The following MYC variants were observed in gnomAD, a reference collection of about 807,000 sequenced individuals.
MYC encodes MYC proto-oncogene, bHLH transcription factor.
Under a neutral mutation model 30.5 loss-of-function variants are expected in MYC, and 1 was observed. That is an observed-to-expected ratio of 0.03 (90% confidence interval 0.01 to 0.16). The LOEUF is 0.16. Ranked by LOEUF, MYC falls within the 10% of genes least tolerant of loss-of-function variation. The pLI, the probability that MYC is intolerant of heterozygous loss-of-function variation, is 1.00. For synonymous variants in MYC, 267 were observed against 250.7 expected (o/e 1.07, Z -0.62); for missense variants, 508 against 589.0 (o/e 0.86, Z 1.42).
upstream of MYC, chr8:127,735,654 G>T (rs902281220): frequency 7.5e-6 from 3 of 398,680 alleles, no homozygotes; most frequent in African/African-American, 6.2e-5. Flanking sequence ...TTAGCGAGGC[G>T]CCCTGCAGCC....
rs1813637199 is a variant in MYC, at chr8:127,738,154, C to T, written c.31-94C>T. 6 of 1,443,646 alleles carry T rather than the reference C, an allele frequency of 4.2e-6. No individual in the cohort carries two copies. Among genetic ancestry groups the T allele is most frequent in the Non-Finnish European group, 5.6e-6 (6 of 1,077,356 alleles). The allele number at this position is 1,443,646 out of a possible 1,614,324, so 89.4% of individuals were successfully genotyped here. ...GGATAGCTCTGCAAGGGGAGAGGTT[C>T]GGGACTGTGGCGCGCACTGCGCGCT... On this transcript the variant is annotated intron_variant, in intron 1 of 2. Transcript: ENST00000621592. This position sits in a 1 kb window ranked among gnomAD's most constrained non-coding sequence, Gnocchi z 7.6.
At chr8:127,739,361 T>C (rs79306211) in intron 2 of MYC, among the ~76,000 whole-genome samples, 468 of 152,322 alleles carry the variant, frequency 3.1e-3, no homozygotes, top group African/African-American at 0.01. Flanking sequence ...AGGGAGTGTA[T>C]GAATGAGGAT....
At chr8:127,737,346 C>A (rs1762072125) in intron 1 of MYC, among the ~76,000 whole-genome samples, 1 of 152,210 alleles carries the variant, frequency 6.6e-6, no homozygotes, top group Non-Finnish European at 1.5e-5. Context: ...CTTGGAAAAA[C>A]CAGGGCGAAT....
rs4645948 is a variant in MYC at position 127,736,252 on chromosome 8, C to T, written c.-342C>T. The stretch of plus-strand genomic sequence containing the variant: ...ATCTAACTCGCTGTAGTAATTCCAG[C>T]GAGAGGCAGAGGGAGCGAGCGGGCG... On this transcript the variant is annotated 5_prime_UTR_variant, in exon 1 of 3. Coordinates refer to ENST00000621592, the MANE Select transcript of MYC (RefSeq NM_002467.6). The T allele has an allele frequency of 0.032, 16,959 of 531,178 alleles. 639 individuals carry two copies. The highest frequency in any genetic ancestry group is 0.14 in the East Asian group (4,554 of 33,174). 32.9% of individuals were successfully genotyped at this position (531,178 alleles called of 1,614,324 possible). A position where few individuals can be genotyped will look rare whatever the true frequency, so the allele number is the denominator to read the frequency against.
At chr8:127,739,457 A>G (rs1466389198) in intron 2 of MYC, among the ~76,000 whole-genome samples, 3 of 152,078 alleles carry the variant, frequency 2.0e-5, no homozygotes, top group African/African-American at 7.2e-5. Flanking sequence ...TATCTACAAA[A>G]ATGAGGGGCT....
rs958350674 is a variant in MYC, at chr8:127,736,323, C to T, written c.-271C>T. ...CGGGCGAGCAGAGCTGCGCTGCGGG[C>T]GTCCTGGGAAGGGAGATCCGGAGCG... is the stretch of plus-strand genomic sequence containing the variant. On this transcript the variant is annotated 5_prime_UTR_variant, in exon 1 of 3. Transcript: ENST00000621592. 3.4e-6 allele frequency: 2 copies of T among 586,840 alleles called. No individual in the cohort carries two copies. The highest frequency in any genetic ancestry group is 2.8e-5 in the East Asian group (1 of 35,262). The allele number at this position is 586,840 out of a possible 1,614,324, so 36.4% of individuals were successfully genotyped here.
At chr8:127,737,708 AG>A (rs1254963345) in intron 1 of MYC, among the ~76,000 whole-genome samples, 1 of 142,138 alleles carries the variant, frequency 7.0e-6, no homozygotes, top group Non-Finnish European at 1.5e-5. Flanking sequence ...GGCGGTGGAG[AG>A]GGAAGGTTGG....
chr8:127,736,442 A>G lies in MYC; in HGVS notation c.-152A>G, dbSNP rs1821034121. On this transcript the variant is annotated 5_prime_UTR_variant, in exon 1 of 3. Coordinates refer to ENST00000621592, the MANE Select transcript of MYC (RefSeq NM_002467.6). ...GCATCCACGAAACTTTGCCCATAGC[A>G]GCGGGCGGGCACTTTGCACTGGAAC... The G allele has an allele frequency of 1.3e-6, 1 of 777,642 alleles. No homozygotes were observed. The highest frequency in any genetic ancestry group is 2.1e-6 in the Non-Finnish European group (1 of 480,754). The allele number at this position is 777,642 out of a possible 1,614,324, so 48.2% of individuals were successfully genotyped here. A position where few individuals can be genotyped will look rare whatever the true frequency, so the allele number is the denominator to read the frequency against.
chr8:127,738,769 C>T lies in MYC; in HGVS notation c.552C>T (p.Ser184=), dbSNP rs1414103970. ...GCCCGAACCCCGCCCGCGGCCACAG[C>T]GTCTGCTCCACCTCCAGCTTGTACC... is the stretch of plus-strand genomic sequence containing the variant. Residue 184 remains serine, a synonymous_variant, in exon 2 of 3, where the codon AGC becomes AGT. Coordinates refer to ENST00000621592, the MANE Select transcript of MYC (RefSeq NM_002467.6). The surrounding 1 kb of genome is among the most constrained non-coding windows in gnomAD (Gnocchi z 7.6). 6.2e-7 allele frequency: 1 copy of T among 1,610,766 alleles called. No homozygotes were observed. Among genetic ancestry groups the T allele is most frequent in the Non-Finnish European group, 8.5e-7 (1 of 1,178,100 alleles).
chr8:127,740,975 C>T lies in MYC; in HGVS notation c.*17C>T, dbSNP rs373561075. ...TGTGCGTAAGGAAAAGTAAGGAAAA[C>T]GATTCCTTCTAACAGAAATGTCCTG... On this transcript the variant is annotated 3_prime_UTR_variant, in exon 3 of 3. Coordinates refer to ENST00000621592, the MANE Select transcript of MYC (RefSeq NM_002467.6). 29 of 1,530,026 alleles carry T rather than the reference C, an allele frequency of 1.9e-5. No individual in the cohort carries two copies. Among genetic ancestry groups the T allele is most frequent in the African/African-American group, 2.8e-5 (2 of 71,892 alleles). 94.8% of individuals were successfully genotyped at this position (1,530,026 alleles called of 1,614,324 possible). A position where few individuals can be genotyped will look rare whatever the true frequency, so the allele number is the denominator to read the frequency against.
intron 1 of MYC, among the ~76,000 whole-genome samples, chr8:127,737,015 G>A (rs971835428): frequency 1.3e-5 from 2 of 152,250 alleles, no homozygotes; most frequent in African/African-American, 4.8e-5. Flanking sequence ...TGAGCTCCTT[G>A]GAGTAGGGAC....
At chr8:127,736,991 A>C (rs1409166388) in intron 1 of MYC, among the ~76,000 whole-genome samples, 3 of 152,224 alleles carry the variant, frequency 2.0e-5, no homozygotes, top group Non-Finnish European at 4.4e-5. Flanking sequence ...GTGGGCAGAA[A>C]GCCCCTTGCA....
chr8:127,738,756 C>A lies in MYC; in HGVS notation c.539C>A (p.Ala180Asp). The A allele has an allele frequency of 6.2e-7, 1 of 1,611,540 alleles. No individual in the cohort carries two copies. The change falls in exon 2 of 3, where the codon GCC (alanine) becomes GAC (aspartate). Residue 180 changes from alanine to aspartate, a missense_variant. By Grantham distance (126) the Ala-to-Asp change is moderately radical (BLOSUM62 -2). This residue lies in a region of MYC where 364 missense variants were observed against 381.1 expected (regional missense o/e 0.96). Transcript: ENST00000621592. This position sits in a 1 kb window ranked among gnomAD's most constrained non-coding sequence, Gnocchi z 7.6. ...AAAGACAGCGGCAGCCCGAACCCCG[C>A]CCGCGGCCACAGCGTCTGCTCCACC...
rs1429861982 is a variant in MYC at position 127,738,857 on chromosome 8, C to T, written c.640C>T (p.Leu214Phe). 1 of 1,612,368 alleles carries T rather than the reference C, an allele frequency of 6.2e-7. No individual in the cohort carries two copies. Residue 214 changes from leucine (L) to phenylalanine (F), a missense_variant, in exon 2 of 3, where the codon CTC (leucine) becomes TTC (phenylalanine). Around this residue, in one of 5 missense-constraint regions of MYC, gnomAD observed 364 missense variants for 381.1 expected, o/e 0.96. Coordinates refer to ENST00000621592, the MANE Select transcript of MYC (RefSeq NM_002467.6). This position sits in a 1 kb window ranked among gnomAD's most constrained non-coding sequence, Gnocchi z 7.6. ...CCCCTCGGTGGTCTTCCCCTACCCT[C>T]TCAACGACAGCAGCTCGCCCAAGTC...
chr8:127,740,115 T>A (rs1305603233), intron 2 of MYC, among the ~76,000 whole-genome samples: 1 of 152,000 alleles, frequency 6.6e-6, no homozygotes, highest in Admixed American at 6.6e-5. Context: ...CACACCACCA[T>A]GCCAGGCTAA....
rs1446985081 is a variant in MYC, at chr8:127,739,039, G to A, written c.802+20G>A. On this transcript the variant is annotated intron_variant, in intron 2 of 2. Transcript: ENST00000621592. ...ACTCTGGTAAGCGAAGCCCGCCCAG[G>A]CCTGTCAAAAGTGGGCGGCTGGATA... 1 of 1,476,638 alleles carries A rather than the reference G, an allele frequency of 6.8e-7. No individual in the cohort carries two copies. Among genetic ancestry groups the A allele is most frequent in the Non-Finnish European group, 8.9e-7 (1 of 1,121,052 alleles). The allele number at this position is 1,476,638 out of a possible 1,614,324, so 91.5% of individuals were successfully genotyped here. A position where few individuals can be genotyped will look rare whatever the true frequency, so the allele number is the denominator to read the frequency against.
intron 1 of MYC, 151 bp downstream of exon 1, chr8:127,736,774 G>A (rs1415525306): frequency 4.5e-6 from 4 of 879,574 alleles, no homozygotes; most frequent in Non-Finnish European, 7.0e-6. Context: ...GCTGGGGTGG[G>A]GGGTAATCCA....
Position 127,738,470 on chromosome 8 carries a change from T to C in MYC, c.253T>C (p.Cys85Arg), listed in dbSNP as rs1184821004. The C allele has an allele frequency of 5.0e-6, 8 of 1,606,624 alleles. No individual in the cohort carries two copies. In the Admixed American group the frequency reaches 1.3e-4, roughly 27 times the overall value. The change falls in exon 2 of 3, where the codon TGC becomes CGC. Residue 85 changes from cysteine to arginine, a missense_variant. Cys to Arg is a radical substitution (Grantham distance 180, BLOSUM62 -3). Coordinates refer to ENST00000621592, the MANE Select transcript of MYC (RefSeq NM_002467.6). This position sits in a 1 kb window ranked among gnomAD's most constrained non-coding sequence, Gnocchi z 7.6. The stretch of plus-strand genomic sequence containing the variant: ...GTCCCCTAGCCGCCGCTCCGGGCTC[T>C]GCTCGCCCTCCTACGTTGCGGTCAC...
In MYC at chr8:127,740,397, G is replaced by A. The variant is rs919483340; in HGVS notation, c.804G>A (p.Glu268=). ...TGATTTCTATTTCCTTTCTTAAAGA[G>A]GAGGAACAAGAAGATGAGGAAGAAA... Residue 268 remains glutamate (E), a splice_region_variant and synonymous_variant, in exon 3 of 3, where the codon GAG becomes GAA. Coordinates refer to ENST00000621592, the MANE Select transcript of MYC (RefSeq NM_002467.6). 1.9e-6 allele frequency: 3 copies of A among 1,612,346 alleles called. No homozygotes were observed. The highest frequency in any genetic ancestry group is 2.7e-5 in the African/African-American group (2 of 74,790).
Sources: gnomAD v4.1 joint callset for allele counts (sites outside exome capture counted in the v4.1 genomes callset) on GRCh38, gnomAD v4.1.1 for gene constraint, gnomAD v4.1.1 regional missense constraint, Gnocchi (gnomAD v3.1) non-coding constraint, MANE v1.5 for transcripts, NCBI Gene and HGNC (gene_info 2026-07-23, HGNC 2026-07-21) for gene names.